Variants in SNTB1 observed in about 807,000 individuals in gnomAD.
The protein encoded by SNTB1 is beta-1-syntrophin.
A neutral mutation model predicts 48.9 loss-of-function variants in SNTB1; 36 were observed. The ratio of observed to expected loss-of-function variants is 0.74; its 90% CI spans 0.56 to 0.97. SNTB1 has a LOEUF of 0.97. SNTB1 is among the 50% of genes least tolerant of loss of function. SNTB1 has a pLI of 0.00. For synonymous variants in SNTB1, 299 were observed against 294.6 expected (o/e 1.01, Z -0.15); for missense variants, 786 against 703.4 (o/e 1.12, Z -1.33).
intron 2 of SNTB1, among the ~76,000 whole-genome samples, chr8:120,649,327 A>T (rs1354626679): frequency 2.1e-5 from 3 of 145,142 alleles, no homozygotes; most frequent in African/African-American, 7.7e-5. Flanking sequence ...GATGATGGTG[A>T]TGTACAGATG....
At chr8:120,648,970 G>A (rs375579205) in intron 2 of SNTB1, among the ~76,000 whole-genome samples, 1 of 150,218 alleles carries the variant, frequency 6.7e-6, no homozygotes, top group African/African-American at 2.4e-5. Flanking sequence ...GGCTCCTGAG[G>A]CTTCTGCATT....
intron 1 of SNTB1, among the ~76,000 whole-genome samples, chr8:120,787,384 T>C (rs1819941898): frequency 6.6e-6 from 1 of 152,032 alleles, no homozygotes; most frequent in Admixed American, 6.5e-5. Flanking sequence ...CCAAATGCAA[T>C]CTTTGAAATA....
chr8:120,610,519 C>T (rs1266814176), intron 3 of SNTB1, among the ~76,000 whole-genome samples: 2 of 144,976 alleles, frequency 1.4e-5, no homozygotes, highest in East Asian at 2.0e-4. Flanking sequence ...GCATTTGCAG[C>T]CCACTGAGCA....
At chr8:120,732,884 G>A (rs1255721128) in intron 1 of SNTB1, among the ~76,000 whole-genome samples, 1 of 152,144 alleles carries the variant, frequency 6.6e-6, no homozygotes, top group Non-Finnish European at 1.5e-5. Flanking sequence ...GAAAGGACAT[G>A]ATAGCTTACA....
At chr8:120,749,778 A>G (rs191709169) in intron 1 of SNTB1, among the ~76,000 whole-genome samples, 1 of 152,250 alleles carries the variant, frequency 6.6e-6, no homozygotes, top group East Asian at 1.9e-4. Context: ...GGCTTGAAAC[A>G]TTAGTACGGA....
At chr8:120,590,515 A>G (rs1374676203) in intron 3 of SNTB1, among the ~76,000 whole-genome samples, 1 of 152,176 alleles carries the variant, frequency 6.6e-6, no homozygotes, top group Non-Finnish European at 1.5e-5. Context: ...GTAAAAGTGC[A>G]GGCCATAATG....
At chr8:120,546,482 T>C (rs2130648937) in intron 5 of SNTB1, among the ~76,000 whole-genome samples, 1 of 152,316 alleles carries the variant, frequency 6.6e-6, no homozygotes, top group East Asian at 1.9e-4. Flanking sequence ...TTTTTTGTTT[T>C]GTTTTGTTTT....
rs568066305 is a variant in SNTB1, at chr8:120,590,927, C to T, written c.997-15702G>A. 1.4e-4 allele frequency among the ~76,000 whole-genome samples: 21 copies of T among 152,134 alleles called. No homozygotes were observed. The South Asian group carries it at 2.7e-3, about 20-fold the overall frequency. On this transcript the variant is annotated intron_variant, in intron 3 of 6. Coordinates refer to ENST00000517992, the MANE Select transcript of SNTB1 (RefSeq NM_021021.4). ...GTCTTGAACTCCTGACCTCGTGATCCGCCGGCCTCGGCCTCCCAAAGTGCT... is the reference window on the plus strand; with the variant it reads ...GTCTTGAACTCCTGACCTCGTGATCTGCCGGCCTCGGCCTCCCAAAGTGCT...
At chr8:120,799,221 C>G (rs866553706) in intron 1 of SNTB1, among the ~76,000 whole-genome samples, 1 of 151,966 alleles carries the variant, frequency 6.6e-6, no homozygotes, top group Admixed American at 6.6e-5. Flanking sequence ...AATTACATCC[C>G]AAATAAACTT....
intron 3 of SNTB1, among the ~76,000 whole-genome samples, chr8:120,586,186 A>G (rs1816135963): frequency 6.6e-6 from 1 of 152,238 alleles, no homozygotes; most frequent in Non-Finnish European, 1.5e-5. Context: ...TATTACCAAG[A>G]ATGATTGTGG....
chr8:120,806,517 G>T lies in SNTB1; in HGVS notation c.571+4756C>A, dbSNP rs116222769. Among the ~76,000 whole-genome samples the T allele has an allele frequency of 9.7e-3, 1,480 of 152,154 alleles. 28 individuals are homozygous for T. The highest frequency in any genetic ancestry group is 0.034 in the African/African-American group (1,396 of 41,500). On this transcript the variant is annotated intron_variant, in intron 1 of 6. Transcript: ENST00000517992. ...ATTTCTCCTTTATATTACTACTAGG[G>T]CGTTCTATTGATGTTTAAACTTAAA...
chr8:120,699,097 T>C (rs1818260972), intron 1 of SNTB1, among the ~76,000 whole-genome samples: 1 of 152,202 alleles, frequency 6.6e-6, no homozygotes, highest in African/African-American at 2.4e-5. Flanking sequence ...TCCTGACTGC[T>C]CTGTATCCCT....
intron 1 of SNTB1, among the ~76,000 whole-genome samples, chr8:120,745,698 G>A (rs188223344): frequency 1.9e-3 from 296 of 152,226 alleles, no homozygotes; most frequent in African/African-American, 6.7e-3. Context: ...TAGACATGAT[G>A]CAATTCCTCA....
chr8:120,681,636 T>A (rs148458565), intron 2 of SNTB1, among the ~76,000 whole-genome samples: 8 of 152,288 alleles, frequency 5.3e-5, no homozygotes, highest in African/African-American at 1.7e-4. Context: ...AAAGACAGAA[T>A]GATTCTCCCA....
At chr8:120,561,566 T>C (rs1815661597) in intron 4 of SNTB1, among the ~76,000 whole-genome samples, 2 of 152,146 alleles carry the variant, frequency 1.3e-5, no homozygotes, top group East Asian at 3.9e-4. Context: ...TTTTAAATAA[T>C]TTTTTGAATC....
At chr8:120,764,060 C>T (rs1161710793) in intron 1 of SNTB1, among the ~76,000 whole-genome samples, 2 of 152,184 alleles carry the variant, frequency 1.3e-5, no homozygotes, top group Non-Finnish European at 1.5e-5. Flanking sequence ...TGCCTTTTGA[C>T]TCAGAATAAA....
At chr8:120,753,773 G>A (rs1329062187) in intron 1 of SNTB1, among the ~76,000 whole-genome samples, 1 of 152,188 alleles carries the variant, frequency 6.6e-6, no homozygotes, top group Admixed American at 6.5e-5. Context: ...CTTTAATGAT[G>A]AAACAAGCCA....
intron 3 of SNTB1, among the ~76,000 whole-genome samples, chr8:120,625,945 G>A (rs541227521): frequency 5.1e-4 from 78 of 152,164 alleles, no homozygotes; most frequent in African/African-American, 1.8e-3. Flanking sequence ...CAGATGGTGG[G>A]GCTGATATAT....
chr8:120,538,464 A>T lies in SNTB1; in HGVS notation c.*413T>A, dbSNP rs1815233030. On this transcript the variant is annotated 3_prime_UTR_variant, in exon 7 of 7. Transcript: ENST00000517992. ...TCACTGTTACTGGGGATAGGGGGCT[A>T]GGAGGAGTAGGTAAGAATGTCCATT... is the stretch of plus-strand genomic sequence containing the variant. 1 of 301,400 alleles carries T rather than the reference A, an allele frequency of 3.3e-6. No individual in the cohort carries two copies. Among genetic ancestry groups the T allele is most frequent in the African/African-American group, 2.1e-5 (1 of 46,624 alleles). The allele number at this position is 301,400 out of a possible 1,614,324, so 18.7% of individuals were successfully genotyped here.
Sources: gnomAD v4.1 joint callset for allele counts (sites outside exome capture counted in the v4.1 genomes callset) on GRCh38, gnomAD v4.1.1 for gene constraint, MANE v1.5 for transcripts, NCBI Gene and HGNC (gene_info 2026-07-23, HGNC 2026-07-21) for gene names.